Variants in ZNF804B observed in about 807,000 individuals in gnomAD.
The protein encoded by ZNF804B is zinc finger 804B.
A neutral mutation model predicts 101.4 loss-of-function variants in ZNF804B; 80 were observed. The ratio of observed to expected loss-of-function variants is 0.79; its 90% CI spans 0.66 to 0.95. ZNF804B has a LOEUF of 0.95. Among genes scored for constraint, ZNF804B ranks in the 40% least tolerant of loss-of-function variants. ZNF804B has a pLI of 0.00. For synonymous variants in ZNF804B, 622 were observed against 558.8 expected (o/e 1.11, Z -1.59); for missense variants, 1,673 against 1,561.9 (o/e 1.07, Z -1.20).
At chr7:89,225,707 G>T (rs144325051) in intron 2 of ZNF804B, among the ~76,000 whole-genome samples, 204 of 152,202 alleles carry the variant, frequency 1.3e-3, no homozygotes, top group Middle Eastern at 6.8e-3. Context: ...AACAAAAGGT[G>T]TCATGAAATG....
chr7:89,338,346 C>T lies in ZNF804B; in HGVS notation c.*1314C>T, dbSNP rs1296131964. 6.6e-6 allele frequency among the ~76,000 whole-genome samples: 1 copy of T among 152,040 alleles called. No individual in the cohort carries two copies. The highest frequency in any genetic ancestry group is 2.4e-5 in the African/African-American group (1 of 41,434). Reference sequence around the variant, plus strand: ...TTTAAGGCTTGTTGTGATTCAGGTACAGTTACCCTATCCACTTGTTTGCAT... The same window carrying T: ...TTTAAGGCTTGTTGTGATTCAGGTATAGTTACCCTATCCACTTGTTTGCAT... On this transcript the variant is annotated 3_prime_UTR_variant, in exon 4 of 4. Coordinates refer to ENST00000333190, the MANE Select transcript of ZNF804B (RefSeq NM_181646.5).
chr7:88,909,880 T>C (rs1660308215), intron 1 of ZNF804B, among the ~76,000 whole-genome samples: 1 of 151,820 alleles, frequency 6.6e-6, no homozygotes, highest in African/African-American at 2.4e-5. Context: ...CCACTGCAAA[T>C]TTAGTTTTAC....
intron 1 of ZNF804B, among the ~76,000 whole-genome samples, chr7:88,821,550 T>C (rs546283345): frequency 1.5e-3 from 225 of 152,276 alleles, no homozygotes; most frequent in Non-Finnish European, 2.6e-3. Flanking sequence ...AACAATATCC[T>C]TTGGCCACGT....
chr7:88,977,319 G>A (rs993765444), intron 1 of ZNF804B, among the ~76,000 whole-genome samples: 8 of 150,650 alleles, frequency 5.3e-5, no homozygotes, highest in Non-Finnish European at 8.9e-5. Context: ...GGGTAGCATT[G>A]GTATTAGTTC....
chr7:88,984,133 G>A (rs1247219806), intron 1 of ZNF804B, among the ~76,000 whole-genome samples: 1 of 152,064 alleles, frequency 6.6e-6, no homozygotes, highest in Non-Finnish European at 1.5e-5. Flanking sequence ...TGCTTTTCCA[G>A]TTAACCATGC....
chr7:89,021,233 T>C (rs775005061), intron 1 of ZNF804B, among the ~76,000 whole-genome samples: 2 of 152,160 alleles, frequency 1.3e-5, no homozygotes, highest in African/African-American at 4.8e-5. Flanking sequence ...GCAATCCATT[T>C]TAGTGATGTT....
rs79931924 is a variant in ZNF804B, at chr7:89,334,912, C to A, written c.1930C>A (p.Pro644Thr). 0.053 allele frequency: 85,306 copies of A among 1,613,672 alleles called. 2,429 individuals are homozygous for A. Among genetic ancestry groups the A allele is most frequent in the Middle Eastern group, 0.11 (637 of 6,060 alleles). ...AAAGCATAAATTGATTCCCTGCAGT[C>A]CTCATTTGGAATTTGAAGATGAAAG... ...FKKHKLIPCS[P>T]HLEFEDERQF... The change falls in exon 4 of 4, where the codon CCT becomes ACT. Residue 644 changes from proline (P) to threonine (T), a missense_variant. Physicochemically the swap from Pro to Thr is conservative, Grantham distance 38 (BLOSUM62 -1). Coordinates refer to ENST00000333190, the MANE Select transcript of ZNF804B (RefSeq NM_181646.5).
At chr7:89,198,209 TCA>T (rs1788583764) in intron 1 of ZNF804B, among the ~76,000 whole-genome samples, 1 of 151,906 alleles carries the variant, frequency 6.6e-6, no homozygotes, top group African/African-American at 2.4e-5. Flanking sequence ...GAAATGCTAC[TCA>T]CACATATGGA....
intron 1 of ZNF804B, among the ~76,000 whole-genome samples, chr7:89,023,648 A>C (rs1440315637): frequency 6.6e-6 from 1 of 152,142 alleles, no homozygotes; most frequent in Non-Finnish European, 1.5e-5. Context: ...ATAAAGAAAA[A>C]ATTCATTTGT....
intron 1 of ZNF804B, among the ~76,000 whole-genome samples, chr7:88,840,692 T>C (rs1969551): frequency 0.21 from 32,513 of 151,590 alleles, 3,560 homozygotes; most frequent in African/African-American, 0.26. Context: ...TTGAATACAT[T>C]AACTAATAAG....
intron 1 of ZNF804B, among the ~76,000 whole-genome samples, chr7:89,095,449 C>T (rs1477391446): frequency 6.6e-6 from 1 of 152,136 alleles, no homozygotes; most frequent in African/African-American, 2.4e-5. Context: ...TTTTATGTAA[C>T]TGTGCAAGAG....
At chr7:88,947,326 C>G (rs1022785287) in intron 1 of ZNF804B, among the ~76,000 whole-genome samples, 1 of 151,796 alleles carries the variant, frequency 6.6e-6, no homozygotes, top group Admixed American at 6.6e-5. Context: ...CATGGAATAC[C>G]CAGCAGCCAT....
chr7:88,942,940 A>G (rs1180686468), intron 1 of ZNF804B, among the ~76,000 whole-genome samples: 1 of 151,886 alleles, frequency 6.6e-6, no homozygotes, highest in African/African-American at 2.4e-5. Flanking sequence ...TTTAAATGCA[A>G]AAAGGTTTAT....
intron 1 of ZNF804B, among the ~76,000 whole-genome samples, chr7:89,190,147 C>T (rs1452806538): frequency 1.3e-5 from 2 of 151,818 alleles, no homozygotes; most frequent in Non-Finnish European, 2.9e-5. Flanking sequence ...AACAGCCAGG[C>T]GCGGTGACGA....
intron 1 of ZNF804B, among the ~76,000 whole-genome samples, chr7:88,877,035 A>AT (rs1791958709): frequency 2.3e-5 from 1 of 43,086 alleles, no homozygotes; most frequent in African/African-American, 1.2e-4. Flanking sequence ...TAATATATAT[A>AT]TATATATATA....
intron 1 of ZNF804B, among the ~76,000 whole-genome samples, chr7:89,031,434 G>A (rs544890078): frequency 2.1e-4 from 32 of 151,848 alleles, no homozygotes; most frequent in African/African-American, 7.5e-4. Flanking sequence ...TTAAGAACAG[G>A]GAACATTTTT....
intron 1 of ZNF804B, among the ~76,000 whole-genome samples, chr7:89,044,907 C>T (rs531465107): frequency 1.1e-4 from 17 of 152,226 alleles, no homozygotes; most frequent in Admixed American, 2.6e-4. Flanking sequence ...AACAAGGAGC[C>T]GAATGTTAAT....
intron 1 of ZNF804B, among the ~76,000 whole-genome samples, chr7:89,026,974 G>A (rs897058834): frequency 3.9e-5 from 6 of 152,096 alleles, no homozygotes; most frequent in Non-Finnish European, 7.4e-5. Flanking sequence ...ATAATTTAGA[G>A]TGAGAAGAAA....
chr7:88,767,768 A>T (rs1443707119), intron 1 of ZNF804B, among the ~76,000 whole-genome samples: 1 of 152,264 alleles, frequency 6.6e-6, no homozygotes, highest in African/African-American at 2.4e-5. Context: ...GTATCCGTCC[A>T]CATGATTCTA....
Sources: allele counts gnomAD v4.1 joint callset (sites outside exome capture counted in the v4.1 genomes callset), GRCh38; gene constraint gnomAD v4.1.1; transcripts MANE v1.5; gene names NCBI Gene and HGNC (gene_info 2026-07-23, HGNC 2026-07-21).